Variants in LRRC4C observed in about 807,000 individuals in gnomAD.
LRRC4C encodes the protein leucine-rich repeat-containing protein 4C.
In LRRC4C, 5 loss-of-function variants were observed where a neutral mutation model predicts 33.6. The ratio of observed to expected loss-of-function variants is 0.15; its 90% CI spans 0.08 to 0.31. LRRC4C has a LOEUF of 0.31. Among genes scored for constraint, LRRC4C ranks in the 10% least tolerant of loss-of-function variants. The pLI is 1.00. For synonymous variants in LRRC4C, 329 were observed against 302.0 expected, an observed-to-expected ratio of 1.09 and a Z score of -0.93; for missense variants, 560 against 796.7, an observed-to-expected ratio of 0.70 and a Z score of 3.58.
At chr11:41,442,466 T>TC (rs1955656654) in intron 1 of LRRC4C, among the ~76,000 whole-genome samples, 1 of 73,196 alleles carries the variant, frequency 1.4e-5, no homozygotes, top group Non-Finnish European at 2.9e-5. Context: ...TTCTTTTTTT[T>TC]TTTTTTTTTT....
At chr11:40,637,483 AT>A (rs1941824485) in intron 3 of LRRC4C, among the ~76,000 whole-genome samples, 1 of 152,164 alleles carries the variant, frequency 6.6e-6, no homozygotes, top group Non-Finnish European at 1.5e-5. Flanking sequence ...GATATTATTT[AT>A]TTTTGCATCT....
At chr11:40,960,204 TA>T (rs1850881545) in intron 1 of LRRC4C, among the ~76,000 whole-genome samples, 1 of 151,764 alleles carries the variant, frequency 6.6e-6, no homozygotes, top group South Asian at 2.1e-4. Context: ...TCTGTATCTA[TA>T]AAAATGTATT....
intron 5 of LRRC4C, among the ~76,000 whole-genome samples, chr11:40,185,208 G>GTATATACATTTATATACA (rs1331417267): frequency 6.6e-6 from 1 of 152,168 alleles, no homozygotes; most frequent in Non-Finnish European, 1.5e-5. Flanking sequence ...ACATGTGCTT[G>GTATATACATTTATATACA]TGTGTATTCA....
intron 1 of LRRC4C, among the ~76,000 whole-genome samples, chr11:41,317,287 T>C (rs1204143236): frequency 6.6e-6 from 1 of 151,952 alleles, no homozygotes; most frequent in Non-Finnish European, 1.5e-5. Flanking sequence ...AAGAATAATA[T>C]CGATTTCAAA....
intron 1 of LRRC4C, among the ~76,000 whole-genome samples, chr11:41,080,518 AT>A: frequency 6.6e-6 from 1 of 151,828 alleles, no homozygotes; most frequent in East Asian, 2.0e-4. Context: ...TGCCCGGCAA[AT>A]TTTTTGTATT....
At chr11:40,170,621 A>T (rs1859966544) in intron 5 of LRRC4C, among the ~76,000 whole-genome samples, 1 of 152,226 alleles carries the variant, frequency 6.6e-6, no homozygotes, top group Admixed American at 6.5e-5. Flanking sequence ...AAAGAATGCT[A>T]ATGTCTTGCT....
chr11:41,301,725 C>G (rs1950294847), intron 1 of LRRC4C, among the ~76,000 whole-genome samples: 1 of 152,084 alleles, frequency 6.6e-6, no homozygotes, highest in Admixed American at 6.6e-5. Context: ...AAACTCCCCC[C>G]AATTTCATCA....
At chr11:41,336,791 C>A (rs1033777365) in intron 1 of LRRC4C, among the ~76,000 whole-genome samples, 1 of 152,146 alleles carries the variant, frequency 6.6e-6, no homozygotes, top group Non-Finnish European at 1.5e-5. Context: ...GCACCAACCC[C>A]AAATGAGAGA....
chr11:40,886,940 GTA>G (rs1018684070), intron 2 of LRRC4C, among the ~76,000 whole-genome samples: 1 of 143,732 alleles, frequency 7.0e-6, no homozygotes, highest in African/African-American at 2.6e-5. Context: ...ATACGTGTAC[GTA>G]TATATACACG....
chr11:41,327,691 G>A (rs994405703), intron 1 of LRRC4C, among the ~76,000 whole-genome samples: 2 of 152,132 alleles, frequency 1.3e-5, no homozygotes, highest in African/African-American at 2.4e-5. Flanking sequence ...TGTCATGGGA[G>A]GGACCCCGTG....
chr11:41,253,333 T>A (rs1473823724), intron 1 of LRRC4C, among the ~76,000 whole-genome samples: 1 of 152,126 alleles, frequency 6.6e-6, no homozygotes, highest in Non-Finnish European at 1.5e-5. Flanking sequence ...AAAATTTCAA[T>A]GTTCATTAAG....
chr11:40,689,427 G>A (rs905361628), intron 2 of LRRC4C, among the ~76,000 whole-genome samples: 1 of 151,920 alleles, frequency 6.6e-6, no homozygotes, highest in African/African-American at 2.4e-5. Context: ...GAGCACACAA[G>A]GGGATATGTG....
chr11:40,237,741 T>C (rs1333470576), intron 5 of LRRC4C, among the ~76,000 whole-genome samples: 3 of 152,194 alleles, frequency 2.0e-5, no homozygotes, highest in Admixed American at 2.0e-4. Context: ...GTATGAAATA[T>C]CTATGCCCTT....
intron 3 of LRRC4C, among the ~76,000 whole-genome samples, chr11:40,571,347 TC>T (rs1957976170): frequency 6.6e-6 from 1 of 152,144 alleles, no homozygotes; most frequent in Admixed American, 6.6e-5. Flanking sequence ...AGTTGTATTT[TC>T]CTTGTATTGT....
chr11:40,359,310 T>A (rs1366874576), intron 3 of LRRC4C, among the ~76,000 whole-genome samples: 1 of 152,180 alleles, frequency 6.6e-6, no homozygotes, highest in Non-Finnish European at 1.5e-5. Context: ...GGGGAACAGA[T>A]CCAGGTGGTA....
At chr11:40,966,191 A>T (rs1234291464) in intron 1 of LRRC4C, among the ~76,000 whole-genome samples, 1 of 151,986 alleles carries the variant, frequency 6.6e-6, no homozygotes, top group African/African-American at 2.4e-5. Flanking sequence ...GCTCATCCTC[A>T]ACAAAATCAA....
chr11:40,284,927 T>C (rs182311411), intron 4 of LRRC4C, among the ~76,000 whole-genome samples: 70 of 152,204 alleles, frequency 4.6e-4, no homozygotes, highest in African/African-American at 1.4e-3. Context: ...AGTGCGATCT[T>C]GCTGGCAATG....
At chr11:40,899,210 G>T (rs1033214096) in intron 2 of LRRC4C, among the ~76,000 whole-genome samples, 1 of 152,092 alleles carries the variant, frequency 6.6e-6, no homozygotes, top group African/African-American at 2.4e-5. Context: ...ACTGCAAGAT[G>T]TGTCCTCAAA....
At chr11:40,993,606 T>C (rs2137282033) in intron 1 of LRRC4C, among the ~76,000 whole-genome samples, 1 of 152,314 alleles carries the variant, frequency 6.6e-6, no homozygotes, top group African/African-American at 2.4e-5. Flanking sequence ...AAATTTCAGG[T>C]TTGAATGTTT....
Sources: allele counts gnomAD v4.1 joint callset (sites outside exome capture counted in the v4.1 genomes callset), GRCh38; gene constraint gnomAD v4.1.1; transcripts MANE v1.5; gene names NCBI Gene and HGNC (gene_info 2026-07-23, HGNC 2026-07-21).